APBB2: variants seen among roughly 807,000 people sequenced by gnomAD.
The protein encoded by APBB2 is amyloid beta precursor protein binding family B member 2.
Under a neutral mutation model 82.5 loss-of-function variants are expected in APBB2, and 38 were observed. That is an observed-to-expected ratio of 0.46 (90% CI 0.36 to 0.60). APBB2 has a LOEUF of 0.60. Ranked by LOEUF, APBB2 falls within the 20% of genes least tolerant of loss-of-function variation. The pLI, the probability that APBB2 is intolerant of heterozygous loss-of-function variation, is 0.00. For missense variants in APBB2, 772 were observed against 972.3 expected (o/e 0.79, Z 2.74); for synonymous variants, 341 against 368.2 (o/e 0.93, Z 0.85).
chr4:41,197,114 TA>T, intron 1 of APBB2, among the ~76,000 whole-genome samples: 4 of 152,238 alleles, frequency 2.6e-5, no homozygotes, highest in Non-Finnish European at 5.9e-5. Context: ...CATGCCGGTT[TA>T]TTTTTTTTAT....
intron 1 of APBB2, among the ~76,000 whole-genome samples, chr4:41,167,359 C>T (rs1766943573): frequency 6.6e-6 from 1 of 152,138 alleles, no homozygotes; most frequent in Non-Finnish European, 1.5e-5. Flanking sequence ...AGTTCTAACC[C>T]TCTAAACATG....
At chr4:41,173,130 T>G (rs1006070372) in intron 1 of APBB2, among the ~76,000 whole-genome samples, 5 of 152,244 alleles carry the variant, frequency 3.3e-5, no homozygotes, top group African/African-American at 1.2e-4. Flanking sequence ...AAAGTTCAAC[T>G]GTAGCTAAAA....
chr4:40,930,340 A>T (rs1194006821), intron 10 of APBB2, among the ~76,000 whole-genome samples: 1 of 152,216 alleles, frequency 6.6e-6, no homozygotes, highest in Non-Finnish European at 1.5e-5. Context: ...GCTATCAAGT[A>T]CAAAGACTTT....
intron 6 of APBB2, among the ~76,000 whole-genome samples, chr4:40,950,603 GT>G (rs11308970): frequency 0.07 from 10,601 of 152,120 alleles, 417 homozygotes; most frequent in Middle Eastern, 0.12. Context: ...ATCCTAGCAC[GT>G]TGGGAGGCTG....
chr4:40,960,444 CGG>C lies in APBB2; in HGVS notation c.836-15373_836-15372del, dbSNP rs748368204. Reference sequence around the variant, plus strand: ...TTCATCAAAAACAGAAATTTTTTTTCGGGTTTTTTTTTTTTTTTTTTGAGACG... The same window carrying C: ...TTCATCAAAAACAGAAATTTTTTTTCGTTTTTTTTTTTTTTTTTTGAGACG... On this transcript the variant is annotated intron_variant, in intron 6 of 17. Coordinates refer to ENST00000508593, the MANE Select transcript of APBB2 (RefSeq NM_004307.2). 1.5e-3 allele frequency among the ~76,000 whole-genome samples: 148 copies of C among 98,112 alleles called. 4 individuals are homozygous for C. Among genetic ancestry groups the C allele is most frequent in the Admixed American group, 2.8e-3 (21 of 7,620 alleles). The allele number at this position is 98,112 out of a possible 152,430, so 64.4% of individuals were successfully genotyped here. A position where few individuals can be genotyped will look rare whatever the true frequency, so the allele number is the denominator to read the frequency against.
intron 6 of APBB2, 129 bp from the exon 7 acceptor site, chr4:40,945,202 G>T: frequency 1.4e-6 from 1 of 696,796 alleles, no homozygotes; most frequent in Non-Finnish European, 2.5e-6. Context: ...TTCCTGGTAT[G>T]TTTGTGAAAT....
At chr4:40,991,035 G>A (rs554796580) in intron 6 of APBB2, among the ~76,000 whole-genome samples, 1 of 69,200 alleles carries the variant, frequency 1.4e-5, no homozygotes, top group South Asian at 6.5e-4. Context: ...TGGAGGCAAG[G>A]TTTCACTCTG....
rs140232394 is a variant in APBB2 at position 40,880,177 on chromosome 4, C to T, written c.1529+10187G>A. Reference sequence around the variant, plus strand: ...TAACATCAGTGCAAAGGAAGAGGCACAATTACATTGCAAATGGTGAGATTC... The same window carrying T: ...TAACATCAGTGCAAAGGAAGAGGCATAATTACATTGCAAATGGTGAGATTC... On this transcript the variant is annotated intron_variant, in intron 12 of 17. Transcript: ENST00000508593. 3.6e-4 allele frequency: 353 copies of T among 985,430 alleles called. No individual in the cohort carries two copies. The African/African-American group carries it at 5.5e-3, about 15-fold the overall frequency. 61.0% of individuals were successfully genotyped at this position (985,430 alleles called of 1,614,324 possible).
At chr4:41,124,162 C>G (rs542945773) in intron 2 of APBB2, among the ~76,000 whole-genome samples, 37 of 152,172 alleles carry the variant, frequency 2.4e-4, no homozygotes, top group Non-Finnish European at 5.0e-4. Context: ...CTATAATTTT[C>G]AGCTGTCACA....
chr4:40,954,972 A>G (rs1402127831), intron 6 of APBB2, among the ~76,000 whole-genome samples: 3 of 76,730 alleles, frequency 3.9e-5, no homozygotes, highest in Non-Finnish European at 8.4e-5. Flanking sequence ...TTTCCATCAA[A>G]CTCTATCTAA....
chr4:40,918,805 G>C lies in APBB2; in HGVS notation c.1254+15651C>G, dbSNP rs542843681. 4.0e-5 allele frequency among the ~76,000 whole-genome samples: 6 copies of C among 149,068 alleles called. No individual in the cohort carries two copies. In the South Asian group the frequency reaches 1.3e-3, roughly 32 times the overall value. ...TTTTTGTTTTTTTTAACAGAGACAG[G>C]GTCTCACTATGTTCAGGCAGGTCTC... On this transcript the variant is annotated intron_variant, in intron 10 of 17. Coordinates refer to ENST00000508593, the MANE Select transcript of APBB2 (RefSeq NM_004307.2).
At chr4:41,200,868 G>A (rs1221572919) in intron 1 of APBB2, among the ~76,000 whole-genome samples, 1 of 152,194 alleles carries the variant, frequency 6.6e-6, no homozygotes, top group Non-Finnish European at 1.5e-5. Context: ...TTCAGGGTGT[G>A]TGTACATGTG....
At chr4:40,919,972 G>A (rs1421047533) in intron 10 of APBB2, among the ~76,000 whole-genome samples, 2 of 152,096 alleles carry the variant, frequency 1.3e-5, no homozygotes, top group Non-Finnish European at 1.5e-5. Context: ...CTTGTACCAC[G>A]GCCCTGCACT....
chr4:40,970,889 A>G (rs1578851127), intron 6 of APBB2, among the ~76,000 whole-genome samples: 1 of 152,192 alleles, frequency 6.6e-6, no homozygotes, highest in African/African-American at 2.4e-5. Flanking sequence ...CCCTTCCCAA[A>G]CATTGGAGGG....
chr4:41,200,764 C>A lies in APBB2; in HGVS notation c.-417+13641G>T, dbSNP rs572967120. Among the ~76,000 whole-genome samples, 76 of 152,336 alleles carry A rather than the reference C, an allele frequency of 5.0e-4. 1 individual carries two copies. Among genetic ancestry groups the A allele is most frequent in the South Asian group, 2.1e-3 (10 of 4,830 alleles). On this transcript the variant is annotated intron_variant, in intron 1 of 17. Transcript: ENST00000508593. ...AACCAAATACAGGTAGCACTTCTGA[C>A]ATCTTTCTCACACTGCTTGGTCCTT...
chr4:40,860,298 T>C (rs1311545280), intron 12 of APBB2, among the ~76,000 whole-genome samples: 1 of 152,172 alleles, frequency 6.6e-6, no homozygotes, highest in African/African-American at 2.4e-5. Context: ...GCTTGGCCCA[T>C]GCAGTATCAG....
At chr4:40,828,853 TTC>T (rs1460640129) in intron 13 of APBB2, among the ~76,000 whole-genome samples, 1 of 152,170 alleles carries the variant, frequency 6.6e-6, no homozygotes, top group Non-Finnish European at 1.5e-5. Flanking sequence ...CACTCTTTCA[TTC>T]TGAGGCTGGG....
intron 6 of APBB2, among the ~76,000 whole-genome samples, chr4:40,967,713 G>T (rs754224128): frequency 1.3e-5 from 2 of 152,182 alleles, no homozygotes; most frequent in Admixed American, 1.3e-4. Flanking sequence ...GGCTAGAAGC[G>T]TGAGCCGAGT....
At position 40,816,186 on chromosome 4, in the gene APBB2, G is replaced by A; in HGVS notation, c.2186C>T (p.Ser729Leu). 1 of 1,614,236 alleles carries A rather than the reference G, an allele frequency of 6.2e-7. No individual in the cohort carries two copies. Among genetic ancestry groups the A allele is most frequent in the African/African-American group, 1.3e-5 (1 of 75,056 alleles). Residue 729 changes from serine to leucine, a missense_variant, in exon 18 of 18, where the codon TCA becomes TTA. Coordinates refer to ENST00000508593, the MANE Select transcript of APBB2 (RefSeq NM_004307.2). Reference sequence around the variant, plus strand: ...ATTGGTTGTGACTCTTCTGGTTACTGAATCTGCTGGCGGTGGAGGTGGTCG... The same window carrying A: ...ATTGGTTGTGACTCTTCTGGTTACTAAATCTGCTGGCGGTGGAGGTGGTCG... ...KVRPPPPPAD[S>L]VTRRVTTNVK...
Sources: allele counts gnomAD v4.1 joint callset (sites outside exome capture counted in the v4.1 genomes callset), GRCh38; gene constraint gnomAD v4.1.1; transcripts MANE v1.5; gene names NCBI Gene and HGNC (gene_info 2026-07-23, HGNC 2026-07-21).